The following ADAMTS12 variants were observed in gnomAD, a reference collection of about 807,000 sequenced individuals.
The protein encoded by ADAMTS12 is A disintegrin and metalloproteinase with thrombospondin motifs 12.
A neutral mutation model predicts 167.8 loss-of-function variants in ADAMTS12; 118 were observed. The ratio of observed to expected loss-of-function variants is 0.70; its 90% CI spans 0.61 to 0.82. The LOEUF is 0.82. ADAMTS12 is among the 40% of genes least tolerant of loss of function. The probability of loss-of-function intolerance (pLI) is 0.00; values close to 1 mark genes in which losing one functional copy is unlikely to be tolerated. For synonymous variants in ADAMTS12, 704 were observed against 716.9 expected (o/e 0.98, Z 0.29); for missense variants, 1,916 against 1,998.8 (o/e 0.96, Z 0.79).
intron 2 of ADAMTS12, among the ~76,000 whole-genome samples, chr5:33,787,792 A>G (rs750523580): frequency 9.8e-5 from 15 of 152,346 alleles, no homozygotes; most frequent in Non-Finnish European, 1.6e-4. Context: ...AGTTTCCCAT[A>G]CAGAAAAGAG....
intron 5 of ADAMTS12, among the ~76,000 whole-genome samples, chr5:33,668,709 C>T (rs951805184): frequency 1.3e-5 from 2 of 152,170 alleles, no homozygotes; most frequent in African/African-American, 4.8e-5. Context: ...ATCTCAAACT[C>T]CTGACCCCAA....
intron 7 of ADAMTS12, among the ~76,000 whole-genome samples, chr5:33,650,492 T>G (rs971227177): frequency 6.6e-6 from 1 of 152,246 alleles, no homozygotes; most frequent in Non-Finnish European, 1.5e-5. Context: ...CTTTTCCATA[T>G]GAAAAAGTTT....
intron 2 of ADAMTS12, among the ~76,000 whole-genome samples, chr5:33,775,851 T>G (rs1170295143): frequency 6.6e-6 from 1 of 152,172 alleles, no homozygotes; most frequent in African/African-American, 2.4e-5. Context: ...AGGTACACCC[T>G]TTGTGGAGGT....
Position 33,624,333 on chromosome 5 carries a change from CAT to C in ADAMTS12, c.2039_2040del (p.Tyr680Ter). 6.2e-7 allele frequency: 1 copy of C among 1,614,054 alleles called. No individual in the cohort carries two copies. The highest frequency in any genetic ancestry group is 8.5e-7 in the Non-Finnish European group (1 of 1,179,954). The part of the protein sequence containing the change: ...NGICKMVGCD[Y>X]EIDSNATEDR... ...TCCTCGGTGGCATTGGAATCGATCT[CAT>C]AGTCACAGCCAACCATCTGTGGGGA... On this transcript the variant is annotated frameshift_variant, in exon 14 of 24. Transcript: ENST00000504830. LOFTEE classifies it high-confidence loss of function.
chr5:33,570,100 A>G lies in ADAMTS12; in HGVS notation c.3972+5954T>C, dbSNP rs185342087. Among the ~76,000 whole-genome samples the G allele has an allele frequency of 2.6e-5, 4 of 152,368 alleles. No homozygotes were observed. In the East Asian group the frequency reaches 7.7e-4, roughly 29 times the overall value. On this transcript the variant is annotated intron_variant, in intron 19 of 23. Coordinates refer to ENST00000504830, the MANE Select transcript of ADAMTS12 (RefSeq NM_030955.4). ...TCCAAGAAATATGGGACTATGTGAA[A>G]AGACCAAATCTGCCTCTGATTGGTG...
chr5:33,854,995 T>C (rs2111663709), intron 2 of ADAMTS12, among the ~76,000 whole-genome samples: 1 of 152,348 alleles, frequency 6.6e-6, no homozygotes, highest in African/African-American at 2.4e-5. Flanking sequence ...TTTCTGCCAG[T>C]GAGCCACAAA....
chr5:33,542,389 C>T (rs1322565514), intron 22 of ADAMTS12, among the ~76,000 whole-genome samples: 1 of 152,134 alleles, frequency 6.6e-6, no homozygotes, highest in Admixed American at 6.6e-5. Flanking sequence ...TACAAAGAGA[C>T]TTAGACTCCC....
chr5:33,628,243 C>A (rs114358352), intron 13 of ADAMTS12, among the ~76,000 whole-genome samples: 1 of 152,032 alleles, frequency 6.6e-6, no homozygotes, highest in Non-Finnish European at 1.5e-5. Flanking sequence ...GGAAGGTTAG[C>A]GAGCTGGCCT....
intron 23 of ADAMTS12, among the ~76,000 whole-genome samples, chr5:33,532,794 A>G (rs1378052351): frequency 6.6e-6 from 1 of 152,228 alleles, no homozygotes; most frequent in Non-Finnish European, 1.5e-5. Context: ...ATATGAATTC[A>G]TACCTGATAT....
chr5:33,721,008 T>C (rs1476892547), intron 3 of ADAMTS12, among the ~76,000 whole-genome samples: 1 of 152,168 alleles, frequency 6.6e-6, no homozygotes, highest in Non-Finnish European at 1.5e-5. Context: ...AAGAAATAAA[T>C]TGTGAAATAG....
chr5:33,683,036 A>C lies in ADAMTS12; in HGVS notation c.897T>G (p.Ile299Met). The part of the protein sequence containing the change: ...NAIHIVVVRL[I>M]LLEEEEQGLK... ...ATGTTACCTCTTCTTCTTCGAGTAGAATGAGCCGAACCACAACAATGTGAA... is the reference window on the plus strand; with the variant it reads ...ATGTTACCTCTTCTTCTTCGAGTAGCATGAGCCGAACCACAACAATGTGAA... Residue 299 changes from isoleucine to methionine, a missense_variant, in exon 5 of 24, where the codon ATT becomes ATG. Coordinates refer to ENST00000504830, the MANE Select transcript of ADAMTS12 (RefSeq NM_030955.4). The C allele has an allele frequency of 6.2e-7, 1 of 1,613,384 alleles. No homozygotes were observed. Among genetic ancestry groups the C allele is most frequent in the Non-Finnish European group, 8.5e-7 (1 of 1,179,676 alleles).
chr5:33,527,458 G>T, intron 23 of ADAMTS12, 92 bp from the exon 24 acceptor site: 1 of 1,262,078 alleles, frequency 7.9e-7, no homozygotes, highest in Non-Finnish European at 1.1e-6. Context: ...GACTTTATAT[G>T]TCTACCAAGA....
rs569033164 is a variant in ADAMTS12 at position 33,553,083 on chromosome 5, A to G, written c.4126-3700T>C. On this transcript the variant is annotated intron_variant, in intron 20 of 23. Coordinates refer to ENST00000504830, the MANE Select transcript of ADAMTS12 (RefSeq NM_030955.4). The stretch of plus-strand genomic sequence containing the variant: ...ATGAACAGACACTTTTCAAAAAAAG[A>G]CATACACGCGGTCAACAATCACATG... 2.2e-4 allele frequency among the ~76,000 whole-genome samples: 34 copies of G among 152,356 alleles called. No individual in the cohort carries two copies. The South Asian group carries it at 6.8e-3, about 31-fold the overall frequency.
At chr5:33,866,206 T>C (rs1172899484) in intron 2 of ADAMTS12, among the ~76,000 whole-genome samples, 1 of 152,082 alleles carries the variant, frequency 6.6e-6, no homozygotes, top group Non-Finnish European at 1.5e-5. Context: ...TACAAGGCTA[T>C]AGATACAAAA....
chr5:33,587,260 C>G (rs1747406797), intron 18 of ADAMTS12, among the ~76,000 whole-genome samples: 1 of 152,148 alleles, frequency 6.6e-6, no homozygotes, highest in South Asian at 2.1e-4. Context: ...TCTTTCAGAG[C>G]AGGTGAAAAG....
intron 2 of ADAMTS12, among the ~76,000 whole-genome samples, chr5:33,816,648 G>A (rs571816023): frequency 5.3e-5 from 8 of 152,230 alleles, no homozygotes; most frequent in African/African-American, 1.9e-4. Flanking sequence ...ATGTGTTGAG[G>A]TTACAAAAAG....
chr5:33,694,430 C>T (rs1023656945), intron 3 of ADAMTS12, among the ~76,000 whole-genome samples: 1 of 151,996 alleles, frequency 6.6e-6, no homozygotes, highest in African/African-American at 2.4e-5. Context: ...GTTTAAAAGA[C>T]AGAAAAGTAG....
intron 3 of ADAMTS12, among the ~76,000 whole-genome samples, chr5:33,713,534 G>T: frequency 6.6e-6 from 1 of 152,136 alleles, no homozygotes; most frequent in Middle Eastern, 3.4e-3. Context: ...AATGGACCCA[G>T]TATGGGCATT....
intron 3 of ADAMTS12, among the ~76,000 whole-genome samples, chr5:33,700,414 C>T (rs532474525): frequency 9.9e-5 from 15 of 152,240 alleles, no homozygotes; most frequent in African/African-American, 2.4e-4. Flanking sequence ...ATGAGTGAAA[C>T]GAGCCAATCC....
Sources: gnomAD v4.1 joint callset for allele counts (sites outside exome capture counted in the v4.1 genomes callset) on GRCh38, gnomAD v4.1.1 for gene constraint, MANE v1.5 for transcripts, NCBI Gene and HGNC (gene_info 2026-07-23, HGNC 2026-07-21) for gene names.